The following KIF13B variants were observed in gnomAD, a reference collection of about 807,000 sequenced individuals.
The protein encoded by KIF13B is kinesin-like protein KIF13B.
KIF13B carries 127 observed loss-of-function variants against 222.0 expected under a neutral mutation model. That is an observed-to-expected ratio of 0.57 (90% CI 0.50 to 0.66). KIF13B has a LOEUF of 0.66. KIF13B is among the 30% of genes least tolerant of loss of function. The pLI, the probability that KIF13B is intolerant of heterozygous loss-of-function variation, is 0.00. For missense variants in KIF13B, 2,173 were observed against 2,379.0 expected, an observed-to-expected ratio of 0.91 and a Z score of 1.80; for synonymous variants, 976 against 919.0, an observed-to-expected ratio of 1.06 and a Z score of -1.12.
At chr8:29,087,482 T>G (rs1045210750) in intron 37 of KIF13B, among the ~76,000 whole-genome samples, 7 of 152,200 alleles carry the variant, frequency 4.6e-5, no homozygotes, top group African/African-American at 1.7e-4. Flanking sequence ...AGTTCCTCAT[T>G]ATTTTCACAC....
chr8:29,167,256 G>C (rs1812043805), intron 11 of KIF13B, 117 bp downstream of exon 11: 1 of 762,084 alleles, frequency 1.3e-6, no homozygotes, highest in African/African-American at 1.8e-5. Flanking sequence ...CTTGCTGTAA[G>C]AAATTCGCAA....
chr8:29,260,015 T>C (rs1816623244), intron 1 of KIF13B, among the ~76,000 whole-genome samples: 2 of 152,236 alleles, frequency 1.3e-5, no homozygotes, highest in Admixed American at 6.5e-5. Context: ...CTTTTTTCTT[T>C]TTCTTTTTCC....
intron 2 of KIF13B, among the ~76,000 whole-genome samples, chr8:29,203,030 G>A (rs749732780): frequency 1.1e-4 from 16 of 152,102 alleles, no homozygotes; most frequent in Admixed American, 3.3e-4. Context: ...ACATAAAGCC[G>A]AAACTGTTTC....
chr8:29,223,921 G>A (rs1411580413), intron 2 of KIF13B, among the ~76,000 whole-genome samples: 4 of 151,718 alleles, frequency 2.6e-5, no homozygotes, highest in Non-Finnish European at 5.9e-5. Flanking sequence ...TCGATCTCCT[G>A]ACCTTGTGAT....
intron 3 of KIF13B, among the ~76,000 whole-genome samples, chr8:29,194,825 T>C (rs779935834): frequency 2.6e-5 from 4 of 152,180 alleles, no homozygotes; most frequent in Non-Finnish European, 5.9e-5. Flanking sequence ...TAACCTCCCA[T>C]GTATTTTAGT....
chr8:29,194,393 T>C (rs989540408), intron 3 of KIF13B, among the ~76,000 whole-genome samples: 6 of 151,968 alleles, frequency 3.9e-5, no homozygotes, highest in Non-Finnish European at 5.9e-5. Flanking sequence ...GTAACCATAA[T>C]GGAGCTAAGC....
chr8:29,091,995 T>A (rs971004423), intron 37 of KIF13B, among the ~76,000 whole-genome samples: 10 of 152,272 alleles, frequency 6.6e-5, no homozygotes, highest in Non-Finnish European at 1.5e-4. Flanking sequence ...CTCAGACGAT[T>A]CACCTGGATT....
At chr8:29,090,390 T>C (rs866253027) in intron 37 of KIF13B, among the ~76,000 whole-genome samples, 1 of 152,146 alleles carries the variant, frequency 6.6e-6, no homozygotes, top group South Asian at 2.1e-4. Context: ...ACACCCCCGT[T>C]GGAGCTCTGG....
At position 29,109,962 on chromosome 8, in the gene KIF13B, C is replaced by T. The variant is rs201916564; in HGVS notation, c.4039G>A (p.Val1347Met). 51 of 1,613,302 alleles carry T rather than the reference C, an allele frequency of 3.2e-5. 1 individual carries two copies. The East Asian group carries it at 8.5e-4, about 27-fold the overall frequency. The change falls in exon 33 of 40, where the codon GTG becomes ATG. Residue 1347 changes from valine to methionine, a missense_variant. Around this residue, in one of 2 missense-constraint regions of KIF13B, gnomAD observed 1,480 missense variants for 1,722.8 expected, o/e 0.86. Transcript: ENST00000524189. ...GTCAGGAGGTTTTCTACAGCCAGCA[C>T]GCTCCTGAGGTACTTTTCAATATAA... The part of the protein sequence containing the change: ...EAYIEKYLRS[V>M]LAVENLLTLD...
intron 13 of KIF13B, among the ~76,000 whole-genome samples, chr8:29,156,514 T>G (rs1811533228): frequency 6.6e-6 from 1 of 151,074 alleles, no homozygotes; most frequent in Non-Finnish European, 1.5e-5. Flanking sequence ...ACTTATTTTT[T>G]ATTTATTTAT....
intron 35 of KIF13B, among the ~76,000 whole-genome samples, chr8:29,106,581 G>C (rs1809078918): frequency 1.5e-5 from 2 of 129,498 alleles, no homozygotes. Context: ...GCAGTGAGCT[G>C]AGATGCTGCC....
At chr8:29,202,882 T>C (rs1460239026) in intron 2 of KIF13B, among the ~76,000 whole-genome samples, 1 of 151,952 alleles carries the variant, frequency 6.6e-6, no homozygotes, top group South Asian at 2.1e-4. Flanking sequence ...TATACCTAAC[T>C]TAGGTAACAC....
chr8:29,070,812 A>T lies in KIF13B; in HGVS notation c.5219-46T>A. The T allele has an allele frequency of 6.4e-7, 1 of 1,563,418 alleles. No individual in the cohort carries two copies. The highest frequency in any genetic ancestry group is 1.2e-5 in the South Asian group (1 of 85,040). On this transcript the variant is annotated intron_variant, in intron 39 of 39. Transcript: ENST00000524189. The surrounding 1 kb of genome is among the most constrained non-coding windows in gnomAD (Gnocchi z 4.1). ...GATATGGAGGGCAGCCGAGCTGCAGACGGCCCCCTGCACCTCCCTTACCTC... is the reference window on the plus strand; with the variant it reads ...GATATGGAGGGCAGCCGAGCTGCAGTCGGCCCCCTGCACCTCCCTTACCTC...
rs1265521065 is a variant in KIF13B, at chr8:29,070,287, C to T, written c.*217G>A. ...CGGGCACCCAGAACCTTCCATCCAC[C>T]TGAGGAGGCACAGTTGAGGCCCCCA... is the stretch of plus-strand genomic sequence containing the variant. On this transcript the variant is annotated 3_prime_UTR_variant, in exon 40 of 40. Coordinates refer to ENST00000524189, the MANE Select transcript of KIF13B (RefSeq NM_015254.4). The surrounding 1 kb of genome is among the most constrained non-coding windows in gnomAD (Gnocchi z 4.1). 8 of 592,356 alleles carry T rather than the reference C, an allele frequency of 1.4e-5. No individual in the cohort carries two copies. The highest frequency in any genetic ancestry group is 3.1e-5 in the Admixed American group (1 of 31,858). The allele number at this position is 592,356 out of a possible 1,614,324, so 36.7% of individuals were successfully genotyped here. A position where few individuals can be genotyped will look rare whatever the true frequency, so the allele number is the denominator to read the frequency against.
chr8:29,077,123 C>T (rs1302246706), intron 37 of KIF13B, among the ~76,000 whole-genome samples: 1 of 152,192 alleles, frequency 6.6e-6, no homozygotes, highest in African/African-American at 2.4e-5. Flanking sequence ...ATGTGAGCAG[C>T]CAATGGGACA....
At chr8:29,117,495 C>G (rs1809657207) in intron 30 of KIF13B, among the ~76,000 whole-genome samples, 1 of 152,118 alleles carries the variant, frequency 6.6e-6, no homozygotes. Context: ...ATCCCGGAAC[C>G]ACACACTGCC....
intron 38 of KIF13B, 49 bp from the exon 39 acceptor site, chr8:29,072,365 A>C: frequency 7.9e-7 from 1 of 1,270,968 alleles, no homozygotes; most frequent in Non-Finnish European, 1.0e-6. Context: ...ACTTTCCAAC[A>C]CGAACCAAGC....
At chr8:29,125,347 A>C (rs1301668587) in intron 26 of KIF13B, among the ~76,000 whole-genome samples, 8 of 152,188 alleles carry the variant, frequency 5.3e-5, no homozygotes, top group Non-Finnish European at 1.5e-5. Context: ...GGAATGCTGC[A>C]GATATAGTGT....
intron 3 of KIF13B, among the ~76,000 whole-genome samples, chr8:29,195,546 C>T (rs905425193): frequency 6.6e-6 from 1 of 152,158 alleles, no homozygotes; most frequent in Non-Finnish European, 1.5e-5. Context: ...AAAGGAAAAA[C>T]AAAACCCCAA....
Sources: allele counts gnomAD v4.1 joint callset (sites outside exome capture counted in the v4.1 genomes callset), GRCh38; gene constraint gnomAD v4.1.1; regional missense constraint gnomAD v4.1.1; non-coding constraint Gnocchi (gnomAD v3.1); transcripts MANE v1.5; gene names NCBI Gene and HGNC (gene_info 2026-07-23, HGNC 2026-07-21).